Variants in PEX13 observed in about 807,000 individuals in gnomAD.
PEX13 encodes the protein peroxisome biogenesis factor 13.
In PEX13, 28 loss-of-function variants were observed where a neutral mutation model predicts 34.5. The ratio of observed to expected loss-of-function variants is 0.81; its 90% CI spans 0.60 to 1.11. PEX13 has a LOEUF of 1.11. Ranked by LOEUF, PEX13 falls within the 50% of genes most tolerant of loss-of-function variation. The pLI, the probability that PEX13 is intolerant of heterozygous loss-of-function variation, is 0.00. For missense variants in PEX13, 550 were observed against 491.0 expected, an observed-to-expected ratio of 1.12 and a Z score of -1.13; for synonymous variants, 177 against 175.1, an observed-to-expected ratio of 1.01 and a Z score of -0.09.
intron 2 of PEX13, among the ~76,000 whole-genome samples, chr2:61,044,328 G>C (rs1353436452): frequency 1.3e-5 from 2 of 152,190 alleles, no homozygotes; most frequent in Non-Finnish European, 2.9e-5. Context: ...GGAGTGCGTA[G>C]TGCAGTCTCG....
chr2:61,035,007 G>A (rs1280726035), intron 2 of PEX13, among the ~76,000 whole-genome samples: 1 of 152,242 alleles, frequency 6.6e-6, no homozygotes, highest in Non-Finnish European at 1.5e-5. Flanking sequence ...AATGCAGACT[G>A]CTTCCTCAAG....
chr2:61,046,159 CAT>C (rs1164885250), intron 3 of PEX13, among the ~76,000 whole-genome samples: 1 of 152,180 alleles, frequency 6.6e-6, no homozygotes, highest in Non-Finnish European at 1.5e-5. Flanking sequence ...AGTAACTAAA[CAT>C]AACAAATCTA....
At chr2:61,040,398 A>G (rs1680602291) in intron 2 of PEX13, among the ~76,000 whole-genome samples, 1 of 152,186 alleles carries the variant, frequency 6.6e-6, no homozygotes. Context: ...ATGAAATACT[A>G]TGCAGCCATA....
chr2:61,031,206 A>C (rs1680443782), intron 1 of PEX13, among the ~76,000 whole-genome samples: 1 of 152,154 alleles, frequency 6.6e-6, no homozygotes, highest in African/African-American at 2.4e-5. Context: ...TGGGAGGATC[A>C]CTTGAGCCTG....
chr2:61,029,766 C>G (rs574774450), intron 1 of PEX13, among the ~76,000 whole-genome samples: 1 of 150,872 alleles, frequency 6.6e-6, no homozygotes, highest in Non-Finnish European at 1.5e-5. Context: ...GAGCTATGAT[C>G]ATGCCACAAC....
chr2:61,049,007 A>G lies in PEX13; in HGVS notation c.*237A>G. On this transcript the variant is annotated 3_prime_UTR_variant, in exon 4 of 4. Transcript: ENST00000295030. ...TTTGTTTCACCTAGATTTTAAGATT[A>G]TGGAGACTGCTGTCATTTTTATCTT... is the stretch of plus-strand genomic sequence containing the variant. 1.9e-6 allele frequency: 1 copy of G among 519,058 alleles called. No individual in the cohort carries two copies. The highest frequency in any genetic ancestry group is 3.5e-5 in the East Asian group (1 of 28,608). The allele number at this position is 519,058 out of a possible 1,614,324, so 32.2% of individuals were successfully genotyped here.
At chr2:61,022,241 G>A (rs774511599) in intron 1 of PEX13, among the ~76,000 whole-genome samples, 22 of 152,194 alleles carry the variant, frequency 1.4e-4, no homozygotes, top group Non-Finnish European at 2.9e-4. Flanking sequence ...CGAGCTAAAG[G>A]AGCATGTTCT....
At chr2:61,039,576 G>A (rs899144044) in intron 2 of PEX13, among the ~76,000 whole-genome samples, 5 of 152,068 alleles carry the variant, frequency 3.3e-5, no homozygotes, top group African/African-American at 9.6e-5. Context: ...TCCTTACACC[G>A]TATACAAAAA....
At chr2:61,042,082 T>C (rs1680634780) in intron 2 of PEX13, among the ~76,000 whole-genome samples, 1 of 152,232 alleles carries the variant, frequency 6.6e-6, no homozygotes, top group African/African-American at 2.4e-5. Flanking sequence ...AAGCTAAAAA[T>C]GGTTTTTATA....
At chr2:61,033,705 C>T (rs1680489192) in intron 2 of PEX13, among the ~76,000 whole-genome samples, 1 of 152,046 alleles carries the variant, frequency 6.6e-6, no homozygotes, top group Admixed American at 6.6e-5. Context: ...GGAACGCCTC[C>T]CTGAAGGAGT....
intron 2 of PEX13, among the ~76,000 whole-genome samples, chr2:61,042,272 A>G (rs558600091): frequency 5.3e-5 from 8 of 152,238 alleles, no homozygotes; most frequent in Non-Finnish European, 1.2e-4. Context: ...TAGTTTGCAC[A>G]GAGACTATAT....
intron 2 of PEX13, among the ~76,000 whole-genome samples, chr2:61,034,611 G>A (rs1026130677): frequency 2.0e-5 from 3 of 152,232 alleles, no homozygotes; most frequent in Non-Finnish European, 4.4e-5. Flanking sequence ...CCCAAATACA[G>A]CGCTTTTCCT....
At chr2:61,028,641 C>T (rs1383960755) in intron 1 of PEX13, among the ~76,000 whole-genome samples, 1 of 151,846 alleles carries the variant, frequency 6.6e-6, no homozygotes, top group Non-Finnish European at 1.5e-5. Flanking sequence ...CCTGCCTCAG[C>T]CTCCCAAAGT....
rs1680790715 is a variant in PEX13, at chr2:61,051,067, T to G, written c.*2297T>G. On this transcript the variant is annotated 3_prime_UTR_variant, in exon 4 of 4. Coordinates refer to ENST00000295030, the MANE Select transcript of PEX13 (RefSeq NM_002618.4). The stretch of plus-strand genomic sequence containing the variant: ...GGAAAGCCCTTTTTTGAAACGACAG[T>G]ATCGTAAGTAACATATCATTTATAA... 1 of 152,364 alleles carries G rather than the reference T, an allele frequency of 6.6e-6. No homozygotes were observed. Among genetic ancestry groups the G allele is most frequent in the Non-Finnish European group, 1.5e-5 (1 of 68,038 alleles). The allele number at this position is 152,364 out of a possible 1,614,324, so 9.4% of individuals were successfully genotyped here. A position where few individuals can be genotyped will look rare whatever the true frequency, so the allele number is the denominator to read the frequency against.
chr2:61,040,489 G>A (rs1302729729), intron 2 of PEX13, among the ~76,000 whole-genome samples: 1 of 152,034 alleles, frequency 6.6e-6, no homozygotes, highest in Non-Finnish European at 1.5e-5. Context: ...CATAAGGACA[G>A]AAAACCAAAC....
At chr2:61,041,320 C>A (rs975974867) in intron 2 of PEX13, among the ~76,000 whole-genome samples, 2 of 151,922 alleles carry the variant, frequency 1.3e-5, no homozygotes, top group Non-Finnish European at 2.9e-5. Context: ...CACAGCAAGA[C>A]CCCGTCTCAA....
chr2:61,033,305 G>C (rs534264605), intron 2 of PEX13, among the ~76,000 whole-genome samples: 13 of 152,158 alleles, frequency 8.5e-5, no homozygotes, highest in Non-Finnish European at 1.8e-4. Flanking sequence ...CCAAAATAGA[G>C]TGTGTGAGAA....
chr2:61,017,780 TC>T lies in PEX13; in HGVS notation c.27del (p.Lys10AsnfsTer30). 6.5e-7 allele frequency: 1 copy of T among 1,549,452 alleles called. No homozygotes were observed. Among genetic ancestry groups the T allele is most frequent in the Non-Finnish European group, 8.7e-7 (1 of 1,146,602 alleles). On this transcript the variant is annotated frameshift_variant, in exon 1 of 4. Transcript: ENST00000295030. LOFTEE classifies it high-confidence loss of function. The part of the protein sequence containing the change: MASQPPP[P>X]PKPWETRRIP... ...AGGAGATGGCGTCCCAGCCGCCACC[TC>T]CCCCCAAACCCTGGGAGACCCGCCG...
chr2:61,023,235 G>GCT (rs1394780369), intron 1 of PEX13, among the ~76,000 whole-genome samples: 1 of 152,004 alleles, frequency 6.6e-6, no homozygotes, highest in African/African-American at 2.4e-5. Flanking sequence ...GAACTCCTGG[G>GCT]CTCAAGCAAT....
Sources: allele counts gnomAD v4.1 joint callset (sites outside exome capture counted in the v4.1 genomes callset), GRCh38; gene constraint gnomAD v4.1.1; transcripts MANE v1.5; gene names NCBI Gene and HGNC (gene_info 2026-07-23, HGNC 2026-07-21).